The following AFDN variants were observed in gnomAD, a reference collection of about 807,000 sequenced individuals.
AFDN encodes the protein afadin, adherens junction formation factor, also known as afadin.
A neutral mutation model predicts 216.6 loss-of-function variants in AFDN; 68 were observed. That is an observed-to-expected ratio of 0.31 (90% CI 0.26 to 0.38). The LOEUF (loss-of-function observed/expected upper bound fraction) is 0.38. AFDN is among the 10% of genes least tolerant of loss of function. The pLI, the probability that AFDN is intolerant of heterozygous loss-of-function variation, is 1.00. For synonymous variants in AFDN, 868 were observed against 853.7 expected, an observed-to-expected ratio of 1.02 and a Z score of -0.29; for missense variants, 2,136 against 2,342.0, an observed-to-expected ratio of 0.91 and a Z score of 1.82.
rs562846840 is a variant in AFDN at position 167,927,053 on chromosome 6, T to C, written c.3099+1962T>C. Among the ~76,000 whole-genome samples the C allele has an allele frequency of 3.9e-5, 6 of 152,304 alleles. No individual in the cohort carries two copies. In the South Asian group the frequency reaches 1.2e-3, roughly 32 times the overall value. ...AGCACAACTCTCACTGAATTAGCTA[T>C]GAGGAAAATTTGTTATCCATAATCT... On this transcript the variant is annotated intron_variant, in intron 23 of 33. Coordinates refer to ENST00000683244, the MANE Select transcript of AFDN (RefSeq NM_001386888.1).
intron 6 of AFDN, among the ~76,000 whole-genome samples, chr6:167,883,406 A>AG (rs1360798839): frequency 6.6e-6 from 1 of 152,232 alleles, no homozygotes; most frequent in African/African-American, 2.4e-5. Flanking sequence ...ATAAAAAAGC[A>AG]GACAACAAGC....
At chr6:167,952,886 A>AT (rs1796148520) in intron 30 of AFDN, among the ~76,000 whole-genome samples, 1 of 152,240 alleles carries the variant, frequency 6.6e-6, no homozygotes, top group South Asian at 2.1e-4. Flanking sequence ...TTGAGAACTG[A>AT]TTTTATTCTT....
At chr6:167,903,968 C>T (rs1194812080) in intron 12 of AFDN, among the ~76,000 whole-genome samples, 1 of 152,152 alleles carries the variant, frequency 6.6e-6, no homozygotes, top group Non-Finnish European at 1.5e-5. Context: ...GTATATTACC[C>T]TCCTATAAAC....
intron 21 of AFDN, among the ~76,000 whole-genome samples, chr6:167,919,957 G>A (rs374796770): frequency 2.0e-5 from 3 of 152,096 alleles, no homozygotes; most frequent in Non-Finnish European, 1.5e-5. Flanking sequence ...CAATAAATAC[G>A]TTTTTATACC....
chr6:167,918,644 T>G (rs961973815), intron 20 of AFDN, 91 bp from the exon 21 acceptor site: 5 of 1,114,094 alleles, frequency 4.5e-6, no homozygotes, highest in Non-Finnish European at 6.7e-6. Flanking sequence ...TAAGCTGTGC[T>G]GCAGTGAGCA....
chr6:167,841,216 G>A (rs1781032967), intron 1 of AFDN, among the ~76,000 whole-genome samples: 1 of 152,114 alleles, frequency 6.6e-6, no homozygotes, highest in African/African-American at 2.4e-5. Flanking sequence ...ATTTGAGTGG[G>A]GAAATAAAAA....
intron 6 of AFDN, among the ~76,000 whole-genome samples, chr6:167,885,114 AGAATT>A (rs903125487): frequency 6.6e-6 from 1 of 152,194 alleles, no homozygotes; most frequent in Non-Finnish European, 1.5e-5. Context: ...CAGCCTTCAT[AGAATT>A]GAAGAGAGTT....
At position 167,889,310 on chromosome 6, in the gene AFDN, A is replaced by G. The variant is rs1041590752; in HGVS notation, c.993A>G (p.Glu331=). The G allele has an allele frequency of 2.5e-6, 4 of 1,610,916 alleles. No individual in the cohort carries two copies. The highest frequency in any genetic ancestry group is 1.1e-5 in the South Asian group (1 of 91,008). ...DDECPLQIFR[E]WPSDKGILVF... is the part of the protein sequence containing the mutation. ...AGTGTCCTTTACAAATCTTCAGGGA[A>G]TGGCCAAGTGACAAAGGTAGTAACC... The change falls in exon 7 of 34, where the codon GAA becomes GAG. Residue 331 remains glutamate (E), a synonymous_variant. Coordinates refer to ENST00000683244, the MANE Select transcript of AFDN (RefSeq NM_001386888.1).
chr6:167,966,755 C>T (rs938707221), intron 32 of AFDN, among the ~76,000 whole-genome samples: 4 of 152,228 alleles, frequency 2.6e-5, no homozygotes, highest in Non-Finnish European at 4.4e-5. Context: ...ATCACGCGCT[C>T]TCATGGTGGT....
intron 1 of AFDN, among the ~76,000 whole-genome samples, chr6:167,850,649 C>T (rs968908150): frequency 6.6e-6 from 1 of 152,112 alleles, no homozygotes; most frequent in African/African-American, 2.4e-5. Flanking sequence ...CTTATTATTT[C>T]ACATACTTAA....
chr6:167,948,419 A>G lies in AFDN; in HGVS notation c.3772A>G (p.Asn1258Asp), dbSNP rs1266046897. The change falls in exon 29 of 34, where the codon AAT (asparagine) becomes GAT (aspartate). Residue 1258 changes from asparagine to aspartate, a missense_variant. Physicochemically the swap from Asn to Asp is conservative, Grantham distance 23. Around this residue, in one of 8 missense-constraint regions of AFDN, gnomAD observed 981 missense variants for 966.0 expected, o/e 1.02. Transcript: ENST00000683244. The part of the protein sequence containing the change: ...RMAPPQNQWP[N>D]YEEKPHMHTD... ...GGCTCCTCCTCAGAACCAGTGGCCA[A>G]ATTATGAGGAAAAGCCACATATGCA... 6.2e-7 allele frequency: 1 copy of G among 1,614,212 alleles called. No individual in the cohort carries two copies. Among genetic ancestry groups the G allele is most frequent in the Non-Finnish European group, 8.5e-7 (1 of 1,180,040 alleles).
In AFDN at chr6:167,864,569, G is replaced by T; in HGVS notation, c.124G>T (p.Val42Leu). The T allele has an allele frequency of 6.2e-7, 1 of 1,613,866 alleles. No homozygotes were observed. The highest frequency in any genetic ancestry group is 8.5e-7 in the Non-Finnish European group (1 of 1,179,918). ...CTTTTAGGATTTGGAGTTCCATGGA[G>T]TGATGAGATTTTATTTTCAAGATAA... is the stretch of plus-strand genomic sequence containing the variant. ...QPTEDLEFHG[V>L]MRFYFQDKAA... Residue 42 changes from valine (V) to leucine (L), a missense_variant, in exon 2 of 34, where the codon GTG (valine) becomes TTG (leucine). Physicochemically the swap from Val to Leu is conservative, Grantham distance 32 (BLOSUM62 1). Coordinates refer to ENST00000683244, the MANE Select transcript of AFDN (RefSeq NM_001386888.1).
At chr6:167,895,915 A>G (rs1788182686) in intron 9 of AFDN, among the ~76,000 whole-genome samples, 1 of 152,214 alleles carries the variant, frequency 6.6e-6, no homozygotes, top group African/African-American at 2.4e-5. Flanking sequence ...TTGCCACACT[A>G]GACTGACTGC....
At chr6:167,852,024 C>A (rs1782370794) in intron 1 of AFDN, among the ~76,000 whole-genome samples, 1 of 152,042 alleles carries the variant, frequency 6.6e-6, no homozygotes, top group African/African-American at 2.4e-5. Flanking sequence ...GTTTGTCGTT[C>A]TTAATTTTGT....
chr6:167,964,873 G>A, intron 31 of AFDN: 1 of 1,064,576 alleles, frequency 9.4e-7, no homozygotes, highest in Non-Finnish European at 1.1e-6. Context: ...CTTTTTTCTT[G>A]TGCTCTAAAA....
At chr6:167,966,366 G>A (rs577633801) in intron 32 of AFDN, 13 of 1,114,816 alleles carry the variant, frequency 1.2e-5, no homozygotes, top group East Asian at 4.2e-5. Flanking sequence ...GGTCCATGGC[G>A]ATCATACTTG....
chr6:167,875,530 T>TA, intron 5 of AFDN, 35 bp downstream of exon 5: 1 of 1,604,384 alleles, frequency 6.2e-7, no homozygotes, highest in Non-Finnish European at 8.5e-7. Flanking sequence ...TTCTACCTGT[T>TA]ACAAAGAGCA....
chr6:167,907,940 T>C (rs1789916438), intron 13 of AFDN, among the ~76,000 whole-genome samples: 1 of 152,208 alleles, frequency 6.6e-6, no homozygotes, highest in African/African-American at 2.4e-5. Flanking sequence ...TATCTTTGCA[T>C]TAAACATGGT....
intron 1 of AFDN, among the ~76,000 whole-genome samples, chr6:167,846,725 T>C (rs1781729207): frequency 6.7e-6 from 1 of 150,118 alleles, no homozygotes; most frequent in African/African-American, 2.4e-5. Flanking sequence ...TTTTTTTTTT[T>C]TTTTCAATGT....
Sources: gnomAD v4.1 joint callset for allele counts (sites outside exome capture counted in the v4.1 genomes callset) on GRCh38, gnomAD v4.1.1 for gene constraint, gnomAD v4.1.1 regional missense constraint, MANE v1.5 for transcripts, NCBI Gene and HGNC (gene_info 2026-07-23, HGNC 2026-07-21) for gene names.